ANGPT1: variants seen among roughly 807,000 people sequenced by gnomAD.
ANGPT1 encodes angiopoietin 1, also known as angiopoietin-1.
A neutral mutation model predicts 62.2 loss-of-function variants in ANGPT1; 17 were observed. The ratio of observed to expected loss-of-function variants is 0.27; its 90% CI spans 0.19 to 0.41. The LOEUF is 0.41. Ranked by LOEUF, ANGPT1 falls within the 10% of genes least tolerant of loss-of-function variation. The probability of loss-of-function intolerance (pLI) is 1.00; values close to 1 mark genes in which losing one functional copy is unlikely to be tolerated. For missense variants in ANGPT1, 478 were observed against 594.9 expected, an observed-to-expected ratio of 0.80 and a Z score of 2.04; for synonymous variants, 199 against 198.9, an observed-to-expected ratio of 1.00 and a Z score of 0.00.
intron 1 of ANGPT1, among the ~76,000 whole-genome samples, chr8:107,424,589 A>G (rs1810986845): frequency 6.6e-6 from 1 of 152,328 alleles, no homozygotes; most frequent in South Asian, 2.1e-4. Context: ...TCCTGAGACC[A>G]CACAGGACCT....
chr8:107,422,059 C>A (rs1231168947), intron 1 of ANGPT1, among the ~76,000 whole-genome samples: 1 of 152,082 alleles, frequency 6.6e-6, no homozygotes, highest in Non-Finnish European at 1.5e-5. Context: ...CCATCCATAC[C>A]TCTAAAATTT....
In ANGPT1 at chr8:107,367,235, A is replaced by T. The variant is rs1816293420; in HGVS notation, c.298-20138T>A. 2.6e-5 allele frequency among the ~76,000 whole-genome samples: 4 copies of T among 152,356 alleles called. No individual in the cohort carries two copies. The South Asian group carries it at 8.3e-4, about 32-fold the overall frequency. ...CAATCTTTTTGGTTTCTCAGTGCAT[A>T]AAAAAGTTGGGTTTACACTATACTG... On this transcript the variant is annotated intron_variant, in intron 1 of 8. Coordinates refer to ENST00000517746, the MANE Select transcript of ANGPT1 (RefSeq NM_001146.5).
At chr8:107,449,718 G>T (rs1811717202) in intron 1 of ANGPT1, among the ~76,000 whole-genome samples, 1 of 152,050 alleles carries the variant, frequency 6.6e-6, no homozygotes, top group Admixed American at 6.6e-5. Context: ...CACGTTTTGA[G>T]TTTAGGCCAT....
At chr8:107,351,774 AC>A in intron 1 of ANGPT1, among the ~76,000 whole-genome samples, 1 of 151,944 alleles carries the variant, frequency 6.6e-6, no homozygotes, top group South Asian at 2.1e-4. Flanking sequence ...ATTAGTTCTT[AC>A]CTTTTTTTCT....
chr8:107,329,011 G>T (rs1164761344), intron 3 of ANGPT1, among the ~76,000 whole-genome samples: 1 of 151,742 alleles, frequency 6.6e-6, no homozygotes, highest in Admixed American at 6.6e-5. Context: ...TCTGTTTATG[G>T]TTATATGTGT....
intron 1 of ANGPT1, among the ~76,000 whole-genome samples, chr8:107,407,243 C>G (rs559548008): frequency 1.4e-5 from 2 of 146,890 alleles, no homozygotes; most frequent in East Asian, 4.1e-4. Context: ...GAGGGCAGAT[C>G]AAAACAGAAC....
At chr8:107,316,897 T>C (rs983106461) in intron 4 of ANGPT1, among the ~76,000 whole-genome samples, 1 of 152,198 alleles carries the variant, frequency 6.6e-6, no homozygotes, top group Admixed American at 6.5e-5. Flanking sequence ...TCCAGCTTTG[T>C]AACTTTGGGC....
chr8:107,340,300 G>A (rs1815667137), intron 2 of ANGPT1, among the ~76,000 whole-genome samples: 1 of 152,162 alleles, frequency 6.6e-6, no homozygotes, highest in Middle Eastern at 3.4e-3. Flanking sequence ...CAATTTCAAA[G>A]AATAAATTTT....
chr8:107,473,464 A>G (rs1436739846), intron 1 of ANGPT1, among the ~76,000 whole-genome samples: 1 of 152,096 alleles, frequency 6.6e-6, no homozygotes, highest in Admixed American at 6.6e-5. Context: ...TCTAAAAAAA[A>G]AGCTCATATG....
At chr8:107,416,911 G>A (rs915482332) in intron 1 of ANGPT1, among the ~76,000 whole-genome samples, 3 of 151,350 alleles carry the variant, frequency 2.0e-5, no homozygotes, top group African/African-American at 7.3e-5. Context: ...CCCGCCTCAG[G>A]TTCCCCAGTA....
intron 1 of ANGPT1, among the ~76,000 whole-genome samples, chr8:107,484,455 G>A (rs1345555176): frequency 6.6e-6 from 1 of 152,078 alleles, no homozygotes; most frequent in African/African-American, 2.4e-5. Flanking sequence ...AGACTGGAGT[G>A]CAGTGCCACG....
rs934928163 is a variant in ANGPT1 at position 107,251,220 on chromosome 8, T to G, written c.*635A>C. 1.3e-5 allele frequency: 2 copies of G among 152,298 alleles called. No homozygotes were observed. Among genetic ancestry groups the G allele is most frequent in the African/African-American group, 4.8e-5 (2 of 41,432 alleles). The allele number at this position is 152,298 out of a possible 1,614,324, so 9.4% of individuals were successfully genotyped here. A position where few individuals can be genotyped will look rare whatever the true frequency, so the allele number is the denominator to read the frequency against. On this transcript the variant is annotated 3_prime_UTR_variant, in exon 9 of 9. Coordinates refer to ENST00000517746, the MANE Select transcript of ANGPT1 (RefSeq NM_001146.5). ...ACACTTATTGTCCATGTACTACAGTTCATTATGGCTTACAAAAATGGAATT... is the reference window on the plus strand; with the variant it reads ...ACACTTATTGTCCATGTACTACAGTGCATTATGGCTTACAAAAATGGAATT...
At chr8:107,478,057 T>C (rs1043304408) in intron 1 of ANGPT1, among the ~76,000 whole-genome samples, 5 of 133,912 alleles carry the variant, frequency 3.7e-5, no homozygotes, top group African/African-American at 6.0e-5. Context: ...CCAAAATATT[T>C]CTCCTGTTTT....
At chr8:107,487,312 G>T (rs1246399629) in intron 1 of ANGPT1, among the ~76,000 whole-genome samples, 1 of 152,158 alleles carries the variant, frequency 6.6e-6, no homozygotes, top group East Asian at 1.9e-4. Context: ...TTTTTGTCTT[G>T]CCTGGTCTGA....
Position 107,292,646 on chromosome 8 carries a change from T to C in ANGPT1, c.1038+1290A>G, listed in dbSNP as rs142380968. Among the ~76,000 whole-genome samples the C allele has an allele frequency of 1.9e-3, 297 of 152,312 alleles. 6 individuals are homozygous for C. The highest frequency in any genetic ancestry group is 0.019 in the Admixed American group (285 of 15,286). Reference sequence around the variant, plus strand: ...CAAAGACATCAGGATTCCAACTTTGTGTAAGTCCAAACTTTTTAAACGTGC... The same window carrying C: ...CAAAGACATCAGGATTCCAACTTTGCGTAAGTCCAAACTTTTTAAACGTGC... On this transcript the variant is annotated intron_variant, in intron 6 of 8. Transcript: ENST00000517746.
At chr8:107,321,345 G>A (rs983745970) in intron 4 of ANGPT1, among the ~76,000 whole-genome samples, 3 of 152,044 alleles carry the variant, frequency 2.0e-5, no homozygotes, top group African/African-American at 7.3e-5. Flanking sequence ...TCCTGCACAG[G>A]ACTAAGCACA....
At chr8:107,371,349 T>A (rs2130244142) in intron 1 of ANGPT1, among the ~76,000 whole-genome samples, 1 of 152,290 alleles carries the variant, frequency 6.6e-6, no homozygotes, top group South Asian at 2.1e-4. Flanking sequence ...ATCTGTGAAT[T>A]TGTCAGCATC....
chr8:107,350,264 C>T (rs1815903958), intron 1 of ANGPT1, among the ~76,000 whole-genome samples: 1 of 152,140 alleles, frequency 6.6e-6, no homozygotes, highest in Non-Finnish European at 1.5e-5. Context: ...ATCAAGAAAT[C>T]TGTCTTTCTA....
chr8:107,335,679 G>GA (rs1198338342), intron 3 of ANGPT1, among the ~76,000 whole-genome samples: 2 of 152,140 alleles, frequency 1.3e-5, no homozygotes, highest in South Asian at 2.1e-4. Context: ...TTATTTTCTA[G>GA]AAAAAATATA....
Sources: allele counts gnomAD v4.1 joint callset (sites outside exome capture counted in the v4.1 genomes callset), GRCh38; gene constraint gnomAD v4.1.1; transcripts MANE v1.5; gene names NCBI Gene and HGNC (gene_info 2026-07-23, HGNC 2026-07-21).